Variants in JHY observed in about 807,000 individuals in gnomAD.
JHY encodes the protein jhy protein homolog.
Under a neutral mutation model 78.0 loss-of-function variants are expected in JHY, and 69 were observed. That is an observed-to-expected ratio of 0.88 (90% CI 0.73 to 1.08). The LOEUF (loss-of-function observed/expected upper bound fraction) is 1.08. Ranked by LOEUF, JHY falls within the 50% of genes least tolerant of loss-of-function variation. JHY has a pLI of 0.00. For synonymous variants in JHY, 368 were observed against 342.6 expected, an observed-to-expected ratio of 1.07 and a Z score of -0.82; for missense variants, 944 against 927.8, an observed-to-expected ratio of 1.02 and a Z score of -0.23.
chr11:122,949,180 C>A (rs1024857493), intron 6 of JHY, among the ~76,000 whole-genome samples: 4 of 151,470 alleles, frequency 2.6e-5, no homozygotes, highest in African/African-American at 9.7e-5. Flanking sequence ...GGGATGAGAG[C>A]ATTTCAGGTC....
Position 122,935,707 on chromosome 11 carries a change from T to C in JHY, c.1634+632T>C, listed in dbSNP as rs1863739132. ...AGGAAACAAATGATCTTCAACATTA[T>C]CATGGCCTATCCTGAGAAAATAATC... On this transcript the variant is annotated intron_variant, in intron 5 of 8. Transcript: ENST00000227349. The surrounding 1 kb of genome is among the most constrained non-coding windows in gnomAD (Gnocchi z 4.5). Among the ~76,000 whole-genome samples, 1 of 152,176 alleles carries C rather than the reference T, an allele frequency of 6.6e-6. No individual in the cohort carries two copies. The highest frequency in any genetic ancestry group is 1.5e-5 in the Non-Finnish European group (1 of 68,038).
intron 6 of JHY, among the ~76,000 whole-genome samples, chr11:122,954,568 G>C (rs1864153421): frequency 1.3e-5 from 2 of 152,298 alleles, no homozygotes; most frequent in Non-Finnish European, 2.9e-5. Flanking sequence ...GACGACCTCT[G>C]CTAAATTCTG....
chr11:122,920,185 C>T (rs1286021339), intron 3 of JHY, among the ~76,000 whole-genome samples: 1 of 152,216 alleles, frequency 6.6e-6, no homozygotes, highest in African/African-American at 2.4e-5. Flanking sequence ...ATAAATACTT[C>T]AGCTCACTCC....
chr11:122,922,809 C>CAAAAAAAAAAAAAAAAAAAAAA (rs571482464), intron 3 of JHY, among the ~76,000 whole-genome samples: 6 of 44,356 alleles, frequency 1.4e-4, no homozygotes, highest in African/African-American at 2.7e-4. Flanking sequence ...GACTCCGTCT[C>CAAAAAAAAAAAAAAAAAAAAAA]AAAAAAAAAA....
At chr11:122,954,560 C>A (rs115191719) in intron 6 of JHY, among the ~76,000 whole-genome samples, 1 of 152,146 alleles carries the variant, frequency 6.6e-6, no homozygotes, top group African/African-American at 2.4e-5. Flanking sequence ...AGTCTCTGGA[C>A]GACCTCTGCT....
In JHY at chr11:122,959,971, C is replaced by T. The variant is rs146804836; in HGVS notation, c.*526C>T. ...AGTTGAGGCCGGGCACAGTGGCTCA[C>T]GCCTGTAATCCCAGCACTTTGGGAA... On this transcript the variant is annotated 3_prime_UTR_variant, in exon 9 of 9. Coordinates refer to ENST00000227349, the MANE Select transcript of JHY (RefSeq NM_024806.4). 4.1e-3 allele frequency among the ~76,000 whole-genome samples: 632 copies of T among 152,310 alleles called. 7 individuals are homozygous for T. Among genetic ancestry groups the T allele is most frequent in the Non-Finnish European group, 4.5e-3 (307 of 68,030 alleles).
rs1414352537 is a variant in JHY at position 122,924,951 on chromosome 11, A to G, written c.919A>G (p.Met307Val). ...GACGTCTATTCAGAATGCCAAGGAAATGGAAAATGCTGCCATCGATCCTGA... is the reference window on the plus strand; with the variant it reads ...GACGTCTATTCAGAATGCCAAGGAAGTGGAAAATGCTGCCATCGATCCTGA... Reference protein sequence around the residue: ...DKTSIQNAKEMENAAIDPEDK... With the variant: ...DKTSIQNAKEVENAAIDPEDK... Residue 307 changes from methionine to valine, a missense_variant, in exon 4 of 9, where the codon ATG (methionine) becomes GTG (valine). Transcript: ENST00000227349. 6.2e-7 allele frequency: 1 copy of G among 1,614,174 alleles called. No homozygotes were observed. The highest frequency in any genetic ancestry group is 8.5e-7 in the Non-Finnish European group (1 of 1,179,990).
Position 122,900,498 on chromosome 11 carries a change from G to T in JHY, c.345-3427G>T, listed in dbSNP as rs865916714. Reference sequence around the variant, plus strand: ...GAAGATCAAAGAGGCCATTAAATATGCCATACTACCAGCTTTTTTTTTTTT... The same window carrying T: ...GAAGATCAAAGAGGCCATTAAATATTCCATACTACCAGCTTTTTTTTTTTT... On this transcript the variant is annotated intron_variant, in intron 2 of 8. Transcript: ENST00000227349. Among the ~76,000 whole-genome samples, 25 of 131,036 alleles carry T rather than the reference G, an allele frequency of 1.9e-4. No individual in the cohort carries two copies. The Middle Eastern group carries it at 0.014, about 74-fold the overall frequency. 86.0% of individuals were successfully genotyped at this position (131,036 alleles called of 152,430 possible). A position where few individuals can be genotyped will look rare whatever the true frequency, so the allele number is the denominator to read the frequency against.
At chr11:122,951,244 T>C (rs1864078397) in intron 6 of JHY, among the ~76,000 whole-genome samples, 1 of 152,226 alleles carries the variant, frequency 6.6e-6, no homozygotes, top group African/African-American at 2.4e-5. Context: ...ATGCCAGGCA[T>C]TGTCCATGCC....
At chr11:122,949,083 C>CAA (rs112131604) in intron 6 of JHY, among the ~76,000 whole-genome samples, 154 of 143,934 alleles carry the variant, frequency 1.1e-3, no homozygotes, top group Non-Finnish European at 1.5e-3. Flanking sequence ...GACTCCATCT[C>CAA]AAAAAAAAAA....
intron 6 of JHY, among the ~76,000 whole-genome samples, chr11:122,948,347 G>A (rs1408304856): frequency 2.0e-5 from 3 of 151,880 alleles, no homozygotes; most frequent in Non-Finnish European, 4.4e-5. Context: ...GGAGGCTGAG[G>A]CAGGAAAATC....
intron 2 of JHY, among the ~76,000 whole-genome samples, chr11:122,902,832 C>T (rs1862890897): frequency 6.6e-6 from 1 of 152,162 alleles, no homozygotes; most frequent in African/African-American, 2.4e-5. Flanking sequence ...ATCCAGTCAC[C>T]TCCCACCAGG....
Position 122,963,266 on chromosome 11 carries a change from C to T in JHY, c.*3821C>T, listed in dbSNP as rs933131562. ...CCTACTGTCAAGAACCCAAATTTGG[C>T]TGAAGCAGCTTAAGTGATTCAGTTC... On this transcript the variant is annotated 3_prime_UTR_variant, in exon 9 of 9. Transcript: ENST00000227349. Among the ~76,000 whole-genome samples, 16 of 152,094 alleles carry T rather than the reference C, an allele frequency of 1.1e-4. No individual in the cohort carries two copies. Among genetic ancestry groups the T allele is most frequent in the African/African-American group, 3.6e-4 (15 of 41,396 alleles).
chr11:122,924,870 C>T, intron 3 of JHY, 27 bp from the exon 4 acceptor site: 3 of 1,553,316 alleles, frequency 1.9e-6, no homozygotes, highest in Non-Finnish European at 1.8e-6. Flanking sequence ...ATCCAGTTAA[C>T]ATGCTGTATG....
At chr11:122,892,215 C>G (rs906168194) in intron 2 of JHY, among the ~76,000 whole-genome samples, 1 of 151,734 alleles carries the variant, frequency 6.6e-6, no homozygotes, top group Non-Finnish European at 1.5e-5. Flanking sequence ...AAGAAACCAC[C>G]TTGTATTATA....
chr11:122,946,860 T>C (rs1349797099), intron 6 of JHY, 68 bp downstream of exon 6: 1 of 1,523,184 alleles, frequency 6.6e-7, no homozygotes, highest in East Asian at 2.2e-5. Flanking sequence ...CTTGATGTAA[T>C]TATAGCCCTG....
At chr11:122,939,663 T>G (rs1044655980) in intron 5 of JHY, among the ~76,000 whole-genome samples, 4 of 152,210 alleles carry the variant, frequency 2.6e-5, no homozygotes, top group African/African-American at 9.6e-5. Flanking sequence ...TGTTCACACC[T>G]AGTAAAAACT....
chr11:122,951,057 A>C (rs958081174), intron 6 of JHY, among the ~76,000 whole-genome samples: 1 of 152,216 alleles, frequency 6.6e-6, no homozygotes, highest in Admixed American at 6.5e-5. Flanking sequence ...GCAGGTAGTC[A>C]AGGCACCAGA....
At chr11:122,937,543 T>C (rs1863783968) in intron 5 of JHY, among the ~76,000 whole-genome samples, 1 of 152,138 alleles carries the variant, frequency 6.6e-6, no homozygotes, top group Non-Finnish European at 1.5e-5. Context: ...TTTCCTTATT[T>C]TGTTTGAGCA....
Sources: allele counts gnomAD v4.1 joint callset (sites outside exome capture counted in the v4.1 genomes callset), GRCh38; gene constraint gnomAD v4.1.1; non-coding constraint Gnocchi (gnomAD v3.1); transcripts MANE v1.5; gene names NCBI Gene and HGNC (gene_info 2026-07-23, HGNC 2026-07-21).